The following PRCD variants were observed in gnomAD, a reference collection of about 807,000 sequenced individuals.
The protein encoded by PRCD is photoreceptor disc component.
Under a neutral mutation model 10.1 loss-of-function variants are expected in PRCD, and 12 were observed. That is an observed-to-expected ratio of 1.18 (90% CI 0.76 to 1.92). The LOEUF (loss-of-function observed/expected upper bound fraction) is 1.92. PRCD is among the 40% of genes most tolerant of loss of function. The probability of loss-of-function intolerance (pLI) is 0.00; values close to 1 mark genes in which losing one functional copy is unlikely to be tolerated. For synonymous variants in PRCD, 31 were observed against 26.2 expected (o/e 1.18, Z -0.56); for missense variants, 61 against 72.2 (o/e 0.84, Z 0.56).
chr17:76,540,640 G>A lies in PRCD; in HGVS notation c.143+67G>A. The A allele has an allele frequency of 6.6e-7, 1 of 1,511,104 alleles. No individual in the cohort carries two copies. The highest frequency in any genetic ancestry group is 1.1e-5 in the South Asian group (1 of 87,948). 93.6% of individuals were successfully genotyped at this position (1,511,104 alleles called of 1,614,324 possible). A position where few individuals can be genotyped will look rare whatever the true frequency, so the allele number is the denominator to read the frequency against. ...AGGAAGCTGTGGCTGTGCATGCCTG[G>A]GGGTGCACGTGTGTGCCTGTGCGCG... On this transcript the variant is annotated intron_variant, in intron 2 of 4. Coordinates refer to ENST00000592014, the MANE Select transcript of PRCD (RefSeq NM_001077620.3). This position sits in a 1 kb window ranked among gnomAD's most constrained non-coding sequence, Gnocchi z 5.0.
chr17:76,543,725 G>A (rs2075019173), intron 4 of PRCD, 78 bp from the exon 5 acceptor site: 1 of 467,924 alleles, frequency 2.1e-6, no homozygotes, highest in Non-Finnish European at 4.4e-6. Context: ...ATTCTGTTAA[G>A]CCGCCACTTG....
intron 2 of PRCD, among the ~76,000 whole-genome samples, chr17:76,542,088 C>T (rs2074998441): frequency 6.6e-6 from 1 of 152,150 alleles, no homozygotes; most frequent in Non-Finnish European, 1.5e-5. Context: ...AACTGAGGGA[C>T]AGGGAGATTT....
chr17:76,544,499 T>C lies in PRCD; in HGVS notation c.*849T>C, dbSNP rs1320667633. ...GCTGGGGTGTGTGCGAAGGCAGTTC[T>C]GTGGGAGCCTCTCAAAGTAGGGCAG... On this transcript the variant is annotated 3_prime_UTR_variant, in exon 5 of 5. Coordinates refer to ENST00000592014, the MANE Select transcript of PRCD (RefSeq NM_001077620.3). 2.2e-6 allele frequency: 1 copy of C among 456,100 alleles called. No homozygotes were observed. The highest frequency in any genetic ancestry group is 4.4e-6 in the Non-Finnish European group (1 of 226,998). The allele number at this position is 456,100 out of a possible 1,614,324, so 28.3% of individuals were successfully genotyped here.
upstream of PRCD, among the ~76,000 whole-genome samples, chr17:76,539,730 C>T (rs752844494): frequency 1.1e-4 from 16 of 152,348 alleles, no homozygotes; most frequent in Middle Eastern, 0.02. Flanking sequence ...CCTTGCTCCT[C>T]TTTAAACGTT....
rs1213880133 is a variant in PRCD at position 76,545,109 on chromosome 17, T to C, written c.*1459T>C. On this transcript the variant is annotated 3_prime_UTR_variant, in exon 5 of 5. Transcript: ENST00000592014. The stretch of plus-strand genomic sequence containing the variant: ...CAGGCTGGCTTTGGTGGGAGCAGAT[T>C]GTGTTTACACCTTCCCCGCACACCC... 4.4e-6 allele frequency: 2 copies of C among 455,804 alleles called. No individual in the cohort carries two copies. Among genetic ancestry groups the C allele is most frequent in the Non-Finnish European group, 8.8e-6 (2 of 226,684 alleles). 28.2% of individuals were successfully genotyped at this position (455,804 alleles called of 1,614,324 possible). A position where few individuals can be genotyped will look rare whatever the true frequency, so the allele number is the denominator to read the frequency against.
chr17:76,529,353 CCATT>C, intron 1 of PRCD: 1 of 985,428 alleles, frequency 1.0e-6, no homozygotes, highest in South Asian at 4.7e-5. Flanking sequence ...TAGCCCATCT[CCATT>C]CAGTCCACAA....
Position 76,531,338 on chromosome 17 carries a change from C to T in PRCD, n.45+3505C>T, listed in dbSNP as rs2074839351. ...CATCCTGCTGCCGGGCACTGCCCCT[C>T]CCTCTCGCAGCCACTCCGGGGATCA... is the stretch of plus-strand genomic sequence containing the variant. On this transcript the variant is annotated intron_variant and non_coding_transcript_variant, in intron 1 of 4. Coordinates refer to the PRCD transcript ENST00000397633. This position sits in a 1 kb window ranked among gnomAD's most constrained non-coding sequence, Gnocchi z 7.4. The T allele has an allele frequency of 2.3e-6, 3 of 1,316,348 alleles. No individual in the cohort carries two copies. The South Asian group carries it at 4.2e-5, about 19-fold the overall frequency. The allele number at this position is 1,316,348 out of a possible 1,614,324, so 81.5% of individuals were successfully genotyped here.
Position 76,543,033 on chromosome 17 carries a change from G to A in PRCD, c.*64G>A. Reference sequence around the variant, plus strand: ...TGCTCTGGTTTTCTGTTTCAGCTCAGGTCCTGGTTCGTCCCCTAGCCCAGG... The same window carrying A: ...TGCTCTGGTTTTCTGTTTCAGCTCAAGTCCTGGTTCGTCCCCTAGCCCAGG... On this transcript the variant is annotated 3_prime_UTR_variant, in exon 4 of 5. Coordinates refer to ENST00000592014, the MANE Select transcript of PRCD (RefSeq NM_001077620.3). 1 of 474,236 alleles carries A rather than the reference G, an allele frequency of 2.1e-6. No individual in the cohort carries two copies. 29.4% of individuals were successfully genotyped at this position (474,236 alleles called of 1,614,324 possible). A position where few individuals can be genotyped will look rare whatever the true frequency, so the allele number is the denominator to read the frequency against.
At chr17:76,541,145 G>A (rs2074988299) in intron 2 of PRCD, among the ~76,000 whole-genome samples, 3 of 152,192 alleles carry the variant, frequency 2.0e-5, no homozygotes, top group African/African-American at 7.2e-5. Flanking sequence ...GGGTGAAGTT[G>A]GGGGAACTTC....
At chr17:76,539,043 G>T (rs1198111225), upstream of PRCD, among the ~76,000 whole-genome samples, 1 of 152,208 alleles carries the variant, frequency 6.6e-6, no homozygotes, top group African/African-American at 2.4e-5. Flanking sequence ...GGTGCCTGGG[G>T]GACCCTGAGG....
In PRCD at chr17:76,543,879, C is replaced by G. The variant is rs1197030102; in HGVS notation, c.*229C>G. On this transcript the variant is annotated 3_prime_UTR_variant, in exon 5 of 5. Transcript: ENST00000592014. ...AATGCCAGTTGGATCTGTGACATGT[C>G]TGCCTGCAGCTGGATGGGAGCAACG... The G allele has an allele frequency of 2.1e-6, 1 of 471,114 alleles. No individual in the cohort carries two copies. Among genetic ancestry groups the G allele is most frequent in the Admixed American group, 2.3e-5 (1 of 42,586 alleles). 29.2% of individuals were successfully genotyped at this position (471,114 alleles called of 1,614,324 possible).
At position 76,542,591 on chromosome 17, in the gene PRCD, G is replaced by A; in HGVS notation, c.*17G>A. ...CTGAAGTAAGCCCTCACCTCTGCAG[G>A]TGGGGCTCAGGCCCAGAGACTGGGA... On this transcript the variant is annotated 3_prime_UTR_variant, in exon 3 of 5. Coordinates refer to ENST00000592014, the MANE Select transcript of PRCD (RefSeq NM_001077620.3). 1 of 1,614,100 alleles carries A rather than the reference G, an allele frequency of 6.2e-7. No individual in the cohort carries two copies. Among genetic ancestry groups the A allele is most frequent in the East Asian group, 2.2e-5 (1 of 44,874 alleles).
At chr17:76,535,368 G>A (rs912649739), upstream of PRCD, among the ~76,000 whole-genome samples, 2 of 152,178 alleles carry the variant, frequency 1.3e-5, no homozygotes, top group Non-Finnish European at 2.9e-5. Context: ...GCTGTGTCAA[G>A]ACTGACGGGC....
Position 76,544,257 on chromosome 17 carries a change from G to A in PRCD, c.*607G>A, listed in dbSNP as rs764100191. The A allele has an allele frequency of 5.1e-5, 23 of 454,414 alleles. No homozygotes were observed. Among genetic ancestry groups the A allele is most frequent in the Non-Finnish European group, 7.5e-5 (17 of 226,812 alleles). 28.1% of individuals were successfully genotyped at this position (454,414 alleles called of 1,614,324 possible). On this transcript the variant is annotated 3_prime_UTR_variant, in exon 5 of 5. Coordinates refer to ENST00000592014, the MANE Select transcript of PRCD (RefSeq NM_001077620.3). ...CCAGCCCCCCTCCCAGCCCAGCGGCGATGTCTCTGCCTGGCTGGCCCGTGC... is the reference window on the plus strand; with the variant it reads ...CCAGCCCCCCTCCCAGCCCAGCGGCAATGTCTCTGCCTGGCTGGCCCGTGC...
rs148996940 is a variant in PRCD at position 76,527,860 on chromosome 17, G to A, written n.45+27G>A. On this transcript the variant is annotated intron_variant and non_coding_transcript_variant, in intron 1 of 4. Coordinates refer to the PRCD transcript ENST00000397633. ...TGAGTCAGTTCCTCTGAGGGAGTAG[G>A]GGGAGCCCACTCCTTTCTGCCTGGA... is the stretch of plus-strand genomic sequence containing the variant. 2.2e-3 allele frequency: 994 copies of A among 449,624 alleles called. 3 individuals are homozygous for A. Among genetic ancestry groups the A allele is most frequent in the Non-Finnish European group, 3.8e-3 (854 of 223,088 alleles). 27.9% of individuals were successfully genotyped at this position (449,624 alleles called of 1,614,324 possible).
Position 76,543,806 on chromosome 17 carries a change from C to G in PRCD, c.*156C>G. On this transcript the variant is annotated 3_prime_UTR_variant, in exon 5 of 5. Coordinates refer to ENST00000592014, the MANE Select transcript of PRCD (RefSeq NM_001077620.3). Reference sequence around the variant, plus strand: ...TGTGTCATTTGCCTTTCCCCAGTTCCCAGAGCTCATCCTGTCACTGGCTGC... The same window carrying G: ...TGTGTCATTTGCCTTTCCCCAGTTCGCAGAGCTCATCCTGTCACTGGCTGC... 1 of 470,998 alleles carries G rather than the reference C, an allele frequency of 2.1e-6. No homozygotes were observed. Among genetic ancestry groups the G allele is most frequent in the South Asian group, 1.5e-5 (1 of 64,546 alleles). The allele number at this position is 470,998 out of a possible 1,614,324, so 29.2% of individuals were successfully genotyped here.
rs1440928356 is a variant in PRCD at position 76,544,639 on chromosome 17, GTC to G, written c.*997_*998del. On this transcript the variant is annotated 3_prime_UTR_variant, in exon 5 of 5. Transcript: ENST00000592014. ...CGCCTGTCTCAGCTCCTGTCAGCCT[GTC>G]TCTCTCTTTGGAGGCATCGGCCTTC... 1.8e-5 allele frequency: 8 copies of G among 456,684 alleles called. No individual in the cohort carries two copies. The highest frequency in any genetic ancestry group is 3.2e-4 in the Middle Eastern group (1 of 3,096). The allele number at this position is 456,684 out of a possible 1,614,324, so 28.3% of individuals were successfully genotyped here.
chr17:76,549,181 T>C (rs2075083623), downstream of PRCD, among the ~76,000 whole-genome samples: 1 of 152,194 alleles, frequency 6.6e-6, no homozygotes. Context: ...GGAGTAAATA[T>C]TTGCCAAACA....
At chr17:76,547,684 C>T (rs115862296), downstream of PRCD, among the ~76,000 whole-genome samples, 1,101 of 151,180 alleles carry the variant, frequency 7.3e-3, 19 homozygotes, top group African/African-American at 0.025. Flanking sequence ...CAGAGACACC[C>T]ACATTCACAC....
Sources: gnomAD v4.1 joint callset for allele counts (sites outside exome capture counted in the v4.1 genomes callset) on GRCh38, gnomAD v4.1.1 for gene constraint, Gnocchi (gnomAD v3.1) non-coding constraint, MANE v1.5 for transcripts, NCBI Gene and HGNC (gene_info 2026-07-23, HGNC 2026-07-21) for gene names.